TREH: variants seen among roughly 807,000 people sequenced by gnomAD.
The protein encoded by TREH is trehalase.
TREH carries 69 observed loss-of-function variants against 80.5 expected under a neutral mutation model. The ratio of observed to expected loss-of-function variants is 0.86; its 90% CI spans 0.71 to 1.05. The LOEUF (loss-of-function observed/expected upper bound fraction) is 1.05. Ranked by LOEUF, TREH falls within the 50% of genes least tolerant of loss-of-function variation. The pLI is 0.00. For synonymous variants in TREH, 309 were observed against 293.5 expected, an observed-to-expected ratio of 1.05 and a Z score of -0.54; for missense variants, 716 against 718.8, an observed-to-expected ratio of 1.00 and a Z score of 0.04.
At position 118,661,857 on chromosome 11, in the gene TREH, A is replaced by G. The variant is rs531599674; in HGVS notation, c.524+33T>C. ...GTTTCTCCACCACTGCCAGTCCTGC[A>G]GGCCCCTTGGTCTCTTGGGCCTGGG... On this transcript the variant is annotated intron_variant, in intron 5 of 14. Transcript: ENST00000264029. This position sits in a 1 kb window ranked among gnomAD's most constrained non-coding sequence, Gnocchi z 4.2. 1.0e-5 allele frequency: 16 copies of G among 1,569,730 alleles called. No individual in the cohort carries two copies. The highest frequency in any genetic ancestry group is 7.1e-5 in the East Asian group (3 of 42,154).
intron 14 of TREH, 33 bp from the exon 15 acceptor site, chr11:118,658,474 G>C: frequency 6.2e-7 from 1 of 1,605,788 alleles, no homozygotes; most frequent in Non-Finnish European, 8.5e-7. Context: ...GCCAGTTTCT[G>C]GGGAAGCCTC....
In TREH at chr11:118,661,069, T is replaced by C. The variant is rs1296465635; in HGVS notation, c.857+91A>G. ...GGTGTCACCATCTGAGAGGCCAGGC[T>C]AAGTCACTCCTCCTCCTGCCCGGGG... On this transcript the variant is annotated intron_variant, in intron 8 of 14. Coordinates refer to ENST00000264029, the MANE Select transcript of TREH (RefSeq NM_007180.3). The surrounding 1 kb of genome is among the most constrained non-coding windows in gnomAD (Gnocchi z 4.2). 6.3e-7 allele frequency: 1 copy of C among 1,592,236 alleles called. No homozygotes were observed. Among genetic ancestry groups the C allele is most frequent in the African/African-American group, 1.3e-5 (1 of 74,542 alleles).
chr11:118,672,701 G>A (rs145509216), intron 1 of TREH, among the ~76,000 whole-genome samples: 238 of 122,762 alleles, frequency 1.9e-3, no homozygotes, highest in African/African-American at 7.1e-3. Context: ...TTGACAGAGC[G>A]AGACTCCATC....
At chr11:118,678,897 A>G (rs2137293507) in intron 1 of TREH, among the ~76,000 whole-genome samples, 1 of 152,344 alleles carries the variant, frequency 6.6e-6, no homozygotes, top group Non-Finnish European at 1.5e-5. Flanking sequence ...TGCTGTCTTC[A>G]GGCCCTTAGG....
intron 1 of TREH, 35 bp downstream of exon 1, chr11:118,679,504 G>T (rs1458272213): frequency 1.4e-6 from 2 of 1,455,184 alleles, no homozygotes; most frequent in Non-Finnish European, 1.8e-6. Context: ...CCCTCTTATT[G>T]CCATCCTCCC....
At position 118,660,729 on chromosome 11, in the gene TREH, G is replaced by A. The variant is rs782023814; in HGVS notation, c.912C>T (p.Asp304=). 4 of 1,578,638 alleles carry A rather than the reference G, an allele frequency of 2.5e-6. No homozygotes were observed. Among genetic ancestry groups the A allele is most frequent in the Non-Finnish European group, 3.4e-6 (4 of 1,162,314 alleles). ...TGAGCTCAGCCCACAGAGCCTCCCGGTCTCCTGTGAGGACAGAGCAGGGAA... is the reference window on the plus strand; with the variant it reads ...TGAGCTCAGCCCACAGAGCCTCCCGATCTCCTGTGAGGACAGAGCAGGGAA... The part of the protein sequence containing the change: ...VELADTLPEG[D]REALWAELKA... Residue 304 remains aspartate, a synonymous_variant, in exon 10 of 15, where the codon GAC becomes GAT. Coordinates refer to ENST00000264029, the MANE Select transcript of TREH (RefSeq NM_007180.3).
At chr11:118,659,160 A>G (rs1178119099) in intron 12 of TREH, 143 bp from the exon 13 acceptor site, 2 of 968,720 alleles carry the variant, frequency 2.1e-6, no homozygotes, top group Non-Finnish European at 3.1e-6. Flanking sequence ...ACTGCCCTTA[A>G]TCGACGGCCC....
In TREH at chr11:118,661,346, G is replaced by A. The variant is rs879971044; in HGVS notation, c.734+47C>T. ...GCCCATCCCCAGCCCTGAGAGGTCT[G>A]AGGGATGGGTGGGTCTGCAGAGCAG... On this transcript the variant is annotated intron_variant, in intron 7 of 14. Transcript: ENST00000264029. This position sits in a 1 kb window ranked among gnomAD's most constrained non-coding sequence, Gnocchi z 4.2. 1.2e-6 allele frequency: 2 copies of A among 1,613,942 alleles called. No individual in the cohort carries two copies. The highest frequency in any genetic ancestry group is 4.5e-5 in the East Asian group (2 of 44,886).
At chr11:118,659,607 C>A in intron 11 of TREH, 126 bp from the exon 12 acceptor site, 1 of 1,352,690 alleles carries the variant, frequency 7.4e-7, no homozygotes, top group Non-Finnish European at 1.0e-6. Flanking sequence ...TCACAGCTGC[C>A]CCCCGGTGGC....
At position 118,661,559 on chromosome 11, in the gene TREH, C is replaced by G. The variant is rs1555144982; in HGVS notation, c.618-50G>C. 6.2e-7 allele frequency: 1 copy of G among 1,612,366 alleles called. No homozygotes were observed. Among genetic ancestry groups the G allele is most frequent in the South Asian group, 1.1e-5 (1 of 90,946 alleles). On this transcript the variant is annotated intron_variant, in intron 6 of 14. Transcript: ENST00000264029. This position sits in a 1 kb window ranked among gnomAD's most constrained non-coding sequence, Gnocchi z 4.2. ...ATGCCCTCTCCCCAGCAACTGGCAC[C>G]AAGGCAATCCAGCTGCATGCCCGTG...
intron 4 of TREH, chr11:118,662,620 C>A (rs900128520): frequency 6.0e-6 from 3 of 497,154 alleles, no homozygotes; most frequent in Non-Finnish European, 1.1e-5. Flanking sequence ...TGCTGGGCAG[C>A]CTGGAGGTGG....
chr11:118,660,531 G>A lies in TREH; in HGVS notation c.1102+8C>T. 6.3e-7 allele frequency: 1 copy of A among 1,590,788 alleles called. No individual in the cohort carries two copies. The highest frequency in any genetic ancestry group is 8.6e-7 in the Non-Finnish European group (1 of 1,165,376). On this transcript the variant is annotated splice_region_variant and intron_variant, in intron 10 of 14. Coordinates refer to ENST00000264029, the MANE Select transcript of TREH (RefSeq NM_007180.3). ...TCCCTGCTTTCCCTTCCCTACTGGG[G>A]TGCTCACCCAGCCTGGAATAGAAGT...
intron 1 of TREH, 25 bp from the exon 2 acceptor site, chr11:118,663,464 G>A (rs1555145416): frequency 9.7e-6 from 15 of 1,544,890 alleles, no homozygotes; most frequent in Non-Finnish European, 1.3e-5. Flanking sequence ...ATAGGAGCAG[G>A]TCAGGTCACC....
chr11:118,660,728 G>A lies in TREH; in HGVS notation c.913C>T (p.Arg305Trp), dbSNP rs201279957. The part of the protein sequence containing the change: ...ELADTLPEGD[R>W]EALWAELKAG... ...TTGAGCTCAGCCCACAGAGCCTCCC[G>A]GTCTCCTGTGAGGACAGAGCAGGGA... The change falls in exon 10 of 15, where the codon CGG becomes TGG. Residue 305 changes from arginine to tryptophan, a missense_variant. Transcript: ENST00000264029. 267 of 1,578,404 alleles carry A rather than the reference G, an allele frequency of 1.7e-4. 1 individual carries two copies. In the African/African-American group the frequency reaches 2.2e-3, roughly 13 times the overall value.
intron 10 of TREH, 81 bp from the exon 11 acceptor site, chr11:118,660,045 TC>T: frequency 1.5e-6 from 2 of 1,330,226 alleles, no homozygotes; most frequent in Non-Finnish European, 2.1e-6. Context: ...TACTTTAGCC[TC>T]CCCGCTTTGT....
Position 118,659,956 on chromosome 11 carries a change from A to C in TREH, c.1111T>G (p.Ser371Ala). The change falls in exon 11 of 15, where the codon TCC becomes GCC. Residue 371 changes from serine to alanine, a missense_variant. Physicochemically the swap from Ser to Ala is moderately conservative, Grantham distance 99. Transcript: ENST00000264029. ...AGGATTCTGTACTTCGTGGCCTGGG[A>C]GTCGTTCCCTGGGGCAGTGCTGCCT... ...SNFYSRLGNDSQATKYRILRS... is the reference protein window; with the variant it reads ...SNFYSRLGNDAQATKYRILRS... 1.3e-6 allele frequency: 2 copies of C among 1,551,288 alleles called. No individual in the cohort carries two copies. The highest frequency in any genetic ancestry group is 1.7e-6 in the Non-Finnish European group (2 of 1,146,988).
At chr11:118,676,110 C>A (rs1555146795) in intron 1 of TREH, among the ~76,000 whole-genome samples, 1 of 152,208 alleles carries the variant, frequency 6.6e-6, no homozygotes, top group African/African-American at 2.4e-5. Flanking sequence ...AGCCCCTTCT[C>A]CTCCCTGAAG....
Position 118,658,120 on chromosome 11 carries a change from A to G in TREH, c.*169T>C. 1.1e-6 allele frequency: 1 copy of G among 924,982 alleles called. No individual in the cohort carries two copies. Among genetic ancestry groups the G allele is most frequent in the Non-Finnish European group, 1.6e-6 (1 of 625,936 alleles). 57.3% of individuals were successfully genotyped at this position (924,982 alleles called of 1,614,324 possible). On this transcript the variant is annotated 3_prime_UTR_variant, in exon 15 of 15. Transcript: ENST00000264029. Reference sequence around the variant, plus strand: ...GGATTTCCACCCTATTCAAGGTTCCAGGAGGGAGCTAGGCCCCTACCCATG... The same window carrying G: ...GGATTTCCACCCTATTCAAGGTTCCGGGAGGGAGCTAGGCCCCTACCCATG...
intron 1 of TREH, among the ~76,000 whole-genome samples, chr11:118,673,235 G>T (rs1949446508): frequency 6.6e-6 from 1 of 152,178 alleles, no homozygotes; most frequent in African/African-American, 2.4e-5. Context: ...CAAATTGGTG[G>T]AGTATCTTTT....
Sources: allele counts gnomAD v4.1 joint callset (sites outside exome capture counted in the v4.1 genomes callset), GRCh38; gene constraint gnomAD v4.1.1; non-coding constraint Gnocchi (gnomAD v3.1); transcripts MANE v1.5; gene names NCBI Gene and HGNC (gene_info 2026-07-23, HGNC 2026-07-21).